The following OPA1 variants were observed in gnomAD, a reference collection of about 807,000 sequenced individuals.
The protein encoded by OPA1 is OPA1 mitochondrial dynamin like GTPase.
A neutral mutation model predicts 152.9 loss-of-function variants in OPA1; 59 were observed. The observed-to-expected ratio is 0.39, with a 90% confidence interval of 0.31 to 0.48. The LOEUF is 0.48. OPA1 is among the 20% of genes least tolerant of loss of function. OPA1 has a pLI of 0.96. For missense variants in OPA1, 1,008 were observed against 1,216.8 expected (o/e 0.83, Z 2.55); for synonymous variants, 400 against 389.9 (o/e 1.03, Z -0.31).
chr3:193,693,846 G>C (rs898177354), intron 30 of OPA1, among the ~76,000 whole-genome samples: 10 of 152,096 alleles, frequency 6.6e-5, no homozygotes, highest in Non-Finnish European at 1.5e-5. Flanking sequence ...CTTACTATTA[G>C]AAATAAACAT....
chr3:193,655,121 C>G (rs1270848186), intron 22 of OPA1, 94 bp downstream of exon 22: 1 of 1,175,668 alleles, frequency 8.5e-7, no homozygotes, highest in Non-Finnish European at 1.2e-6. Flanking sequence ...CAGCCTCTAT[C>G]TTTCTTTTAG....
rs968516939 is a variant in OPA1 at position 193,695,762 on chromosome 3, T to G, written c.*1162T>G. The G allele has an allele frequency of 3.3e-5, 5 of 152,216 alleles. No homozygotes were observed. Among genetic ancestry groups the G allele is most frequent in the Non-Finnish European group, 7.3e-5 (5 of 68,032 alleles). 9.4% of individuals were successfully genotyped at this position (152,216 alleles called of 1,614,324 possible). ...TAATAAAAGTGTCCATTGTGTGATG[T>G]TTTTGATTTTACAGTTTGCTAAATC... is the stretch of plus-strand genomic sequence containing the variant. On this transcript the variant is annotated 3_prime_UTR_variant, in exon 31 of 31. Transcript: ENST00000361510.
intron 26 of OPA1, among the ~76,000 whole-genome samples, chr3:193,663,263 C>T (rs572263226): frequency 2.6e-5 from 4 of 152,182 alleles, no homozygotes; most frequent in African/African-American, 7.2e-5. Flanking sequence ...CTTTGCCCCA[C>T]GTCACGCTGT....
At chr3:193,618,736 G>A in intron 5 of OPA1, 133 bp from the exon 6 acceptor site, 1 of 743,270 alleles carries the variant, frequency 1.3e-6, no homozygotes, top group Non-Finnish European at 2.4e-6. Context: ...TAAGAATAAA[G>A]GCGATTTGAT....
At chr3:193,632,637 G>A (rs1013596832) in intron 8 of OPA1, among the ~76,000 whole-genome samples, 5 of 152,220 alleles carry the variant, frequency 3.3e-5, no homozygotes, top group African/African-American at 1.2e-4. Context: ...GAGAGGCTGA[G>A]GCAGGAGGAT....
intron 6 of OPA1, among the ~76,000 whole-genome samples, chr3:193,625,550 T>G (rs1233941800): frequency 2.6e-5 from 4 of 152,122 alleles, no homozygotes; most frequent in Non-Finnish European, 4.4e-5. Context: ...TTTAATCAAA[T>G]GTATGCAAAG....
At chr3:193,643,482 A>G (rs145646386) in intron 14 of OPA1, 38 bp downstream of exon 14, 1 of 1,605,456 alleles carries the variant, frequency 6.2e-7, no homozygotes. Flanking sequence ...TTTTATTCTT[A>G]TTGTGTGAAG....
intron 1 of OPA1, among the ~76,000 whole-genome samples, chr3:193,598,577 A>G (rs958038695): frequency 6.6e-6 from 1 of 152,238 alleles, no homozygotes; most frequent in African/African-American, 2.4e-5. Flanking sequence ...TGGACAAGTC[A>G]AACAGAAAAG....
At chr3:193,596,460 G>A (rs1407412694) in intron 1 of OPA1, among the ~76,000 whole-genome samples, 1 of 141,680 alleles carries the variant, frequency 7.1e-6, no homozygotes. Flanking sequence ...GGCTGGCCTC[G>A]AACTCCTGGG....
At chr3:193,642,889 C>T (rs749444293) in intron 12 of OPA1, 44 bp downstream of exon 12, 2 of 1,556,592 alleles carry the variant, frequency 1.3e-6, no homozygotes, top group South Asian at 2.2e-5. Context: ...ATTTTATAAC[C>T]TGGATGAGCT....
intron 6 of OPA1, among the ~76,000 whole-genome samples, chr3:193,624,746 A>G (rs945858166): frequency 1.3e-5 from 2 of 152,120 alleles, no homozygotes; most frequent in Non-Finnish European, 2.9e-5. Context: ...TAATAAATCA[A>G]CCACTTTCAT....
At chr3:193,685,909 C>T (rs576935640) in intron 29 of OPA1, among the ~76,000 whole-genome samples, 3 of 152,262 alleles carry the variant, frequency 2.0e-5, no homozygotes, top group African/African-American at 7.2e-5. Flanking sequence ...GTGACTTATC[C>T]AGTTATGAGG....
At chr3:193,602,266 C>G (rs1726580820) in intron 1 of OPA1, among the ~76,000 whole-genome samples, 1 of 152,042 alleles carries the variant, frequency 6.6e-6, no homozygotes, top group South Asian at 2.1e-4. Flanking sequence ...TGGTTCAAAG[C>G]CCTGAAGCTT....
intron 29 of OPA1, among the ~76,000 whole-genome samples, chr3:193,688,207 G>T (rs141420264): frequency 7.2e-5 from 11 of 152,108 alleles, no homozygotes; most frequent in African/African-American, 2.7e-4. Flanking sequence ...TTGATTGACC[G>T]TACGCAGTGA....
intron 15 of OPA1, 67 bp downstream of exon 15, chr3:193,643,694 T>A: frequency 7.3e-7 from 1 of 1,367,564 alleles, no homozygotes; most frequent in Non-Finnish European, 1.0e-6. Context: ...AGCTTTGCAT[T>A]AAATAGTTTG....
intron 1 of OPA1, among the ~76,000 whole-genome samples, chr3:193,603,805 A>G (rs1726818412): frequency 6.6e-6 from 1 of 152,188 alleles, no homozygotes; most frequent in Non-Finnish European, 1.5e-5. Context: ...ACCCATCAAC[A>G]AAAAGTGTTA....
At chr3:193,615,988 A>C (rs913755830) in intron 3 of OPA1, among the ~76,000 whole-genome samples, 1 of 152,200 alleles carries the variant, frequency 6.6e-6, no homozygotes, top group African/African-American at 2.4e-5. Context: ...ATTTTCTTTT[A>C]ATTATACTTA....
At chr3:193,685,648 C>T (rs1420284464) in intron 29 of OPA1, among the ~76,000 whole-genome samples, 1 of 152,020 alleles carries the variant, frequency 6.6e-6, no homozygotes, top group Non-Finnish European at 1.5e-5. Flanking sequence ...AGAAAAAATA[C>T]ATTATAAAAA....
intron 1 of OPA1, among the ~76,000 whole-genome samples, chr3:193,599,643 A>G (rs1329108371): frequency 6.6e-6 from 1 of 152,054 alleles, no homozygotes; most frequent in Non-Finnish European, 1.5e-5. Context: ...TGTGGAAATA[A>G]TTTGAGATTT....
Sources: allele counts gnomAD v4.1 joint callset (sites outside exome capture counted in the v4.1 genomes callset), GRCh38; gene constraint gnomAD v4.1.1; transcripts MANE v1.5; gene names NCBI Gene and HGNC (gene_info 2026-07-23, HGNC 2026-07-21).